The following GTF2F1 variants were observed in gnomAD, a reference collection of about 807,000 sequenced individuals.
The protein encoded by GTF2F1 is general transcription factor IIF 74 kDa subunit.
GTF2F1 carries 39 observed loss-of-function variants against 63.5 expected under a neutral mutation model. The observed-to-expected ratio is 0.61, with a 90% confidence interval of 0.48 to 0.80. The LOEUF (loss-of-function observed/expected upper bound fraction) is 0.80. GTF2F1 is among the 30% of genes least tolerant of loss of function. GTF2F1 has a pLI of 0.00. For synonymous variants in GTF2F1, 287 were observed against 285.3 expected, an observed-to-expected ratio of 1.01 and a Z score of -0.06; for missense variants, 657 against 718.3, an observed-to-expected ratio of 0.91 and a Z score of 0.97.
At chr19:6,387,262 G>C in intron 5 of GTF2F1, 127 bp downstream of exon 5, 1 of 835,904 alleles carries the variant, frequency 1.2e-6, no homozygotes, top group Non-Finnish European at 1.9e-6. Context: ...GCTCTGAGAC[G>C]GCCGAGTGGG....
In GTF2F1 at chr19:6,393,137, T is replaced by G; in HGVS notation, c.-142A>C. The stretch of plus-strand genomic sequence containing the variant: ...CGAGGACCCCAACCCTAGGCGCCTC[T>G]GGCGCTGGGAAAAGGTAACCGGAAG... On this transcript the variant is annotated 5_prime_UTR_variant, in exon 1 of 13. Coordinates refer to ENST00000394456, the MANE Select transcript of GTF2F1 (RefSeq NM_002096.3). 1 of 1,079,540 alleles carries G rather than the reference T, an allele frequency of 9.3e-7. No individual in the cohort carries two copies. Among genetic ancestry groups the G allele is most frequent in the Non-Finnish European group, 1.4e-6 (1 of 727,766 alleles). 66.9% of individuals were successfully genotyped at this position (1,079,540 alleles called of 1,614,324 possible).
At chr19:6,382,894 C>T (rs1311956686) in intron 6 of GTF2F1, among the ~76,000 whole-genome samples, 3 of 151,884 alleles carry the variant, frequency 2.0e-5, no homozygotes, top group Non-Finnish European at 2.9e-5. Flanking sequence ...CAGGCGGCCT[C>T]GCCTGACTCT....
Position 6,379,846 on chromosome 19 carries a change from T to A in GTF2F1, c.*435A>T, listed in dbSNP as rs544617203. 4.8e-6 allele frequency: 1 copy of A among 207,312 alleles called. No individual in the cohort carries two copies. Among genetic ancestry groups the A allele is most frequent in the Non-Finnish European group, 9.9e-6 (1 of 100,834 alleles). The allele number at this position is 207,312 out of a possible 1,614,324, so 12.8% of individuals were successfully genotyped here. On this transcript the variant is annotated 3_prime_UTR_variant, in exon 13 of 13. Coordinates refer to ENST00000394456, the MANE Select transcript of GTF2F1 (RefSeq NM_002096.3). ...CTTGAACTGGGCTTAGCCTCCCAAG[T>A]AGCTGGGACTGCAGGCGCTCACCAT...
At position 6,383,359 on chromosome 19, in the gene GTF2F1, C is replaced by T. The variant is rs1044678256; in HGVS notation, c.634G>A (p.Asp212Asn). 1 of 1,614,118 alleles carries T rather than the reference C, an allele frequency of 6.2e-7. No homozygotes were observed. Among genetic ancestry groups the T allele is most frequent in the Non-Finnish European group, 8.5e-7 (1 of 1,180,058 alleles). Reference protein sequence around the residue: ...ASELRIHDLEDDLEMSSDASD... With the variant: ...ASELRIHDLENDLEMSSDASD... ...GCATCGGACGACATCTCCAGGTCGT[C>T]CTCCAGGTCGTGGATGCGCAGCTCG... is the stretch of plus-strand genomic sequence containing the variant. The change falls in exon 6 of 13, where the codon GAC becomes AAC. Residue 212 changes from aspartate (D) to asparagine (N), a missense_variant. This residue lies in a region of GTF2F1 where 602 missense variants were observed against 625.6 expected (regional missense o/e 0.96). Transcript: ENST00000394456. This position sits in a 1 kb window ranked among gnomAD's most constrained non-coding sequence, Gnocchi z 4.5.
At position 6,381,872 on chromosome 19, in the gene GTF2F1, G is replaced by T; in HGVS notation, c.683-22C>A. ...CCCCCTGGGAAGGGAGGAAAGGAAG[G>T]AAAGGAGGGAAAGTGAGGAGGAAGG... On this transcript the variant is annotated intron_variant, in intron 6 of 12. Coordinates refer to ENST00000394456, the MANE Select transcript of GTF2F1 (RefSeq NM_002096.3). The surrounding 1 kb of genome is among the most constrained non-coding windows in gnomAD (Gnocchi z 4.1). The T allele has an allele frequency of 6.3e-7, 1 of 1,587,270 alleles. No homozygotes were observed. Among genetic ancestry groups the T allele is most frequent in the Non-Finnish European group, 8.6e-7 (1 of 1,160,936 alleles).
intron 6 of GTF2F1, among the ~76,000 whole-genome samples, chr19:6,382,649 T>A (rs1485457180): frequency 6.9e-6 from 1 of 144,110 alleles, no homozygotes; most frequent in East Asian, 2.1e-4. Context: ...AAAAAAAAAA[T>A]TAGCCGGGTG....
In GTF2F1 at chr19:6,387,417, C is replaced by T; in HGVS notation, c.469G>A (p.Ala157Thr). 6.2e-7 allele frequency: 1 copy of T among 1,614,238 alleles called. No homozygotes were observed. Among genetic ancestry groups the T allele is most frequent in the Non-Finnish European group, 8.5e-7 (1 of 1,180,036 alleles). ...TPLARHRTLT[A>T]EEAEEEWERR... The stretch of plus-strand genomic sequence containing the variant: ...TCCCACTCCTCCTCGGCCTCCTCGG[C>T]AGTGAGCGTGCGATGCCGGGCCAGC... Residue 157 changes from alanine to threonine, a missense_variant, in exon 5 of 13, where the codon GCC (alanine) becomes ACC (threonine). Coordinates refer to ENST00000394456, the MANE Select transcript of GTF2F1 (RefSeq NM_002096.3).
rs1296468138 is a variant in GTF2F1 at position 6,383,796 on chromosome 19, T to C, written c.498-301A>G. ...ACACTGGTTTCTTGCTATTTTTTAT[T>C]ATTATTTTTTTATTTTCTGAGACAG... On this transcript the variant is annotated intron_variant, in intron 5 of 12. Transcript: ENST00000394456. This position sits in a 1 kb window ranked among gnomAD's most constrained non-coding sequence, Gnocchi z 4.5. Among the ~76,000 whole-genome samples the C allele has an allele frequency of 6.6e-6, 1 of 152,016 alleles. No individual in the cohort carries two copies. Among genetic ancestry groups the C allele is most frequent in the Non-Finnish European group, 1.5e-5 (1 of 67,998 alleles).
In GTF2F1 at chr19:6,379,946, T is replaced by G; in HGVS notation, c.*335A>C. On this transcript the variant is annotated 3_prime_UTR_variant, in exon 13 of 13. Transcript: ENST00000394456. ...ACAGCTGAAGAGAGACTTAGGGAAGTGGAAGGGAGAACTGTAGAAGTTACC... is the reference window on the plus strand; with the variant it reads ...ACAGCTGAAGAGAGACTTAGGGAAGGGGAAGGGAGAACTGTAGAAGTTACC... 1 of 373,754 alleles carries G rather than the reference T, an allele frequency of 2.7e-6. No individual in the cohort carries two copies. Among genetic ancestry groups the G allele is most frequent in the East Asian group, 5.8e-5 (1 of 17,332 alleles). 23.2% of individuals were successfully genotyped at this position (373,754 alleles called of 1,614,324 possible). A position where few individuals can be genotyped will look rare whatever the true frequency, so the allele number is the denominator to read the frequency against.
intron 4 of GTF2F1, 32 bp from the exon 5 acceptor site, chr19:6,387,591 T>C (rs1277456082): frequency 2.6e-5 from 41 of 1,598,874 alleles, no homozygotes; most frequent in Non-Finnish European, 3.5e-5. Flanking sequence ...GCCTGGCCCA[T>C]AGGGACCAGC....
Position 6,389,509 on chromosome 19 carries a change from G to T in GTF2F1, c.261C>A (p.Val87=). ...GGTCCTCGGGCCGGAACTCCTTGAG[G>T]ACGATGCCGTACTTCTTCCTCCGAG... ...EEARRKKYGI[V]LKEFRPEDQP... is the part of the protein sequence containing the mutation. Residue 87 remains valine, a synonymous_variant, in exon 4 of 13, where the codon GTC becomes GTA. Transcript: ENST00000394456. 1 of 1,614,256 alleles carries T rather than the reference G, an allele frequency of 6.2e-7. No homozygotes were observed. The highest frequency in any genetic ancestry group is 8.5e-7 in the Non-Finnish European group (1 of 1,180,042).
chr19:6,380,166 A>T lies in GTF2F1; in HGVS notation c.*115T>A. 3 of 896,058 alleles carry T rather than the reference A, an allele frequency of 3.3e-6. No individual in the cohort carries two copies. Among genetic ancestry groups the T allele is most frequent in the Non-Finnish European group, 5.6e-6 (3 of 535,216 alleles). The allele number at this position is 896,058 out of a possible 1,614,324, so 55.5% of individuals were successfully genotyped here. On this transcript the variant is annotated 3_prime_UTR_variant, in exon 13 of 13. Coordinates refer to ENST00000394456, the MANE Select transcript of GTF2F1 (RefSeq NM_002096.3). This position sits in a 1 kb window ranked among gnomAD's most constrained non-coding sequence, Gnocchi z 5.3. ...AGCAGGATGTCGAAGGGTCACTGAG[A>T]GCCTGAAGTTCTGGAGGGCAGAGCC...
intron 2 of GTF2F1, 128 bp from the exon 3 acceptor site, chr19:6,392,102 T>C: frequency 1.5e-6 from 1 of 680,500 alleles, no homozygotes; most frequent in Admixed American, 2.1e-5. Flanking sequence ...ATCAAATCAT[T>C]ACTTTAATTC....
chr19:6,380,864 G>A lies in GTF2F1; in HGVS notation c.1231+40C>T. ...GCCCCAACAGAGGTCAGGAGGCTGTGGCTGTGGCTGTGGGGAGCGGGGAGG... is the reference window on the plus strand; with the variant it reads ...GCCCCAACAGAGGTCAGGAGGCTGTAGCTGTGGCTGTGGGGAGCGGGGAGG... On this transcript the variant is annotated intron_variant, in intron 11 of 12. Transcript: ENST00000394456. The surrounding 1 kb of genome is among the most constrained non-coding windows in gnomAD (Gnocchi z 5.3). 6.6e-7 allele frequency: 1 copy of A among 1,525,074 alleles called. No homozygotes were observed. 94.5% of individuals were successfully genotyped at this position (1,525,074 alleles called of 1,614,324 possible). A position where few individuals can be genotyped will look rare whatever the true frequency, so the allele number is the denominator to read the frequency against.
At chr19:6,390,629 G>A (rs2091993207) in intron 3 of GTF2F1, among the ~76,000 whole-genome samples, 1 of 151,208 alleles carries the variant, frequency 6.6e-6, no homozygotes, top group Non-Finnish European at 1.5e-5. Flanking sequence ...TAAAAAGGCT[G>A]GGCATGGTGG....
At chr19:6,389,008 G>A (rs986101140) in intron 4 of GTF2F1, among the ~76,000 whole-genome samples, 12 of 151,980 alleles carry the variant, frequency 7.9e-5, no homozygotes, top group South Asian at 4.1e-4. Flanking sequence ...ACGGGAGGCC[G>A]AGGCGGGAGG....
chr19:6,381,364 C>T lies in GTF2F1; in HGVS notation c.1013G>A (p.Arg338Lys). 1 of 1,598,976 alleles carries T rather than the reference C, an allele frequency of 6.3e-7. No individual in the cohort carries two copies. Among genetic ancestry groups the T allele is most frequent in the Non-Finnish European group, 8.5e-7 (1 of 1,172,984 alleles). Residue 338 changes from arginine (R) to lysine (K), a missense_variant, in exon 9 of 13, where the codon AGG (arginine) becomes AAG (lysine). Around this residue, in one of 2 missense-constraint regions of GTF2F1, gnomAD observed 602 missense variants for 625.6 expected, o/e 0.96. Transcript: ENST00000394456. The surrounding 1 kb of genome is among the most constrained non-coding windows in gnomAD (Gnocchi z 4.1). ...GGGGGCCACATGCGCCGCACCTTTC[C>T]TGCGCTTCTTCTCCTGCGGGGTGGG... ...KAPTPQEKKR[R>K]KDSSEESDSS... is the part of the protein sequence containing the mutation.
At chr19:6,386,341 T>C (rs886302855) in intron 5 of GTF2F1, among the ~76,000 whole-genome samples, 2 of 151,724 alleles carry the variant, frequency 1.3e-5, no homozygotes, top group Non-Finnish European at 2.9e-5. Flanking sequence ...TGAGCTGAGA[T>C]TGCGCCACTG....
intron 3 of GTF2F1, among the ~76,000 whole-genome samples, chr19:6,390,647 AGGCG>A (rs1173456227): frequency 6.6e-6 from 1 of 150,886 alleles, no homozygotes; most frequent in Non-Finnish European, 1.5e-5. Flanking sequence ...TGGAAGGCTG[AGGCG>A]GGTGGATCAC....
Sources: gnomAD v4.1 joint callset for allele counts (sites outside exome capture counted in the v4.1 genomes callset) on GRCh38, gnomAD v4.1.1 for gene constraint, gnomAD v4.1.1 regional missense constraint, Gnocchi (gnomAD v3.1) non-coding constraint, MANE v1.5 for transcripts, NCBI Gene and HGNC (gene_info 2026-07-23, HGNC 2026-07-21) for gene names.